Variants in HEPH observed in about 807,000 individuals in gnomAD.
HEPH encodes the protein hephaestin.
A neutral mutation model predicts 80.8 loss-of-function variants in HEPH; 69 were observed. The observed-to-expected ratio is 0.85, with a 90% confidence interval of 0.70 to 1.04. The LOEUF is 1.04. HEPH is among the 50% of genes least tolerant of loss of function. HEPH has a pLI of 0.00. For synonymous variants in HEPH, 431 were observed against 322.8 expected, an observed-to-expected ratio of 1.34 and a Z score of -3.60; for missense variants, 1,115 against 891.3, an observed-to-expected ratio of 1.25 and a Z score of -3.20.
In HEPH at chrX:66,266,917, A is replaced by G. The variant is rs1023918484; in HGVS notation, c.*245A>G. 13 of 331,806 alleles carry G rather than the reference A, an allele frequency of 3.9e-5. No homozygotes were observed. The East Asian group carries it at 5.6e-4, about 14-fold the overall frequency. The allele number at this position is 331,806 out of a possible 1,213,427, so 27.3% of individuals were successfully genotyped here. On this transcript the variant is annotated 3_prime_UTR_variant, in exon 21 of 21. Coordinates refer to ENST00000343002, the MANE Select transcript of HEPH (RefSeq NM_001367233.3). ...CTAAGGGAGTACCTTATTATCCTAC[A>G]TCGCAAATTTCAACAGCTACATTAT...
intron 15 of HEPH, among the ~76,000 whole-genome samples, chrX:66,217,711 C>T (rs555590049): frequency 9.0e-6 from 1 of 111,586 alleles, no homozygotes; most frequent in African/African-American, 3.3e-5. Flanking sequence ...ATGTAAATGG[C>T]CTAAATGCTC....
chrX:66,175,155 T>A (rs1406111026), intron 4 of HEPH, among the ~76,000 whole-genome samples: 1 of 112,450 alleles, frequency 8.9e-6, no homozygotes, highest in Non-Finnish European at 1.9e-5. Context: ...GTTTTAGATT[T>A]AAGTCCTTAA....
chrX:66,242,457 G>A (rs2090636625), intron 15 of HEPH, among the ~76,000 whole-genome samples: 1 of 111,618 alleles, frequency 9.0e-6, no homozygotes, highest in African/African-American at 3.3e-5. Context: ...ATAGGCCTTG[G>A]CAAGATTTTA....
chrX:66,245,723 G>C (rs2148120260), intron 15 of HEPH, among the ~76,000 whole-genome samples: 1 of 111,783 alleles, frequency 8.9e-6, no homozygotes, highest in South Asian at 3.8e-4. Context: ...TGACCACATA[G>C]TTGGAAGAAA....
At chrX:66,260,689 G>T (rs1031811257) in intron 19 of HEPH, among the ~76,000 whole-genome samples, 1 of 112,289 alleles carries the variant, frequency 8.9e-6, no homozygotes, top group Non-Finnish European at 1.9e-5. Context: ...TTTCTAAAAA[G>T]AGAATAAAAA....
At chrX:66,257,551 A>T (rs1449882643) in intron 17 of HEPH, among the ~76,000 whole-genome samples, 1 of 112,531 alleles carries the variant, frequency 8.9e-6, no homozygotes, top group African/African-American at 3.2e-5. Flanking sequence ...AAATGGGCTT[A>T]CTAACACTTC....
downstream of HEPH, chrX:66,267,985 A>G (rs758691324): frequency 1.8e-5 from 2 of 111,836 alleles, no homozygotes; most frequent in South Asian, 3.8e-4. Flanking sequence ...TTTACACTTT[A>G]AAAAGCATTT....
chrX:66,179,782 T>C (rs2087005284), intron 4 of HEPH, among the ~76,000 whole-genome samples: 1 of 111,520 alleles, frequency 9.0e-6, no homozygotes, highest in African/African-American at 3.3e-5. Context: ...TGCATATATG[T>C]TTAGGATTGT....
chrX:66,164,535 T>A, intron 1 of HEPH, 65 bp downstream of exon 1: 1 of 719,550 alleles, frequency 1.4e-6, no homozygotes, highest in Non-Finnish European at 1.6e-6. Flanking sequence ...AAACGTTTAT[T>A]TAGCTGGGTT....
At position 66,214,328 on chromosome X, in the gene HEPH, C is replaced by T. The variant is rs149531867; in HGVS notation, c.2563+6082C>T. 8.7e-4 allele frequency among the ~76,000 whole-genome samples: 97 copies of T among 112,106 alleles called. No homozygotes were observed. In the East Asian group the frequency reaches 0.011, roughly 13 times the overall value. On this transcript the variant is annotated intron_variant, in intron 15 of 20. Coordinates refer to ENST00000343002, the MANE Select transcript of HEPH (RefSeq NM_001367233.3). Reference sequence around the variant, plus strand: ...TCTGGATATATTTTGTTGGTTAAGACAATTAGCTTGTGAATTGGGGTTTCT... The same window carrying T: ...TCTGGATATATTTTGTTGGTTAAGATAATTAGCTTGTGAATTGGGGTTTCT...
intron 15 of HEPH, among the ~76,000 whole-genome samples, chrX:66,233,188 T>G (rs2090225268): frequency 9.0e-6 from 1 of 111,577 alleles, no homozygotes; most frequent in African/African-American, 3.3e-5. Flanking sequence ...ATATAACCAA[T>G]TGGCCAACTG....
In HEPH at chrX:66,258,939, T is replaced by C; in HGVS notation, c.2996T>C (p.Leu999Pro). Residue 999 changes from leucine (L) to proline (P), a missense_variant, in exon 18 of 21, where the codon CTA becomes CCA. By Grantham distance (98) the Leu-to-Pro change is moderately conservative. Coordinates refer to ENST00000343002, the MANE Select transcript of HEPH (RefSeq NM_001367233.3). Reference sequence around the variant, plus strand: ...CTGGCCATGGGCCAAGATGTGGATCTACACACCATCCACTTTCATGCAGAG... The same window carrying C: ...CTGGCCATGGGCCAAGATGTGGATCCACACACCATCCACTTTCATGCAGAG... ...YMLAMGQDVD[L>P]HTIHFHAESF... 10 of 1,203,754 alleles carry C rather than the reference T, an allele frequency of 8.3e-6. No individual in the cohort carries two copies. The highest frequency in any genetic ancestry group is 1.0e-5 in the Non-Finnish European group (9 of 891,201).
In HEPH at chrX:66,208,145, T is replaced by C; in HGVS notation, c.2462T>C (p.Ile821Thr). The part of the protein sequence containing the change: ...GPLIKGEVGD[I>T]LTVVFKNNAS... ...CTTATCAAAGGTGAAGTTGGTGATATCCTGACTGTGGTATTCAAGAATAAT... is the reference window on the plus strand; with the variant it reads ...CTTATCAAAGGTGAAGTTGGTGATACCCTGACTGTGGTATTCAAGAATAAT... The change falls in exon 15 of 21, where the codon ATC (isoleucine) becomes ACC (threonine). Residue 821 changes from isoleucine (I) to threonine (T), a missense_variant. Physicochemically the swap from Ile to Thr is moderately conservative, Grantham distance 89. Around this residue, in one of 3 missense-constraint regions of HEPH, gnomAD observed 716 missense variants for 523.5 expected, o/e 1.37. Coordinates refer to ENST00000343002, the MANE Select transcript of HEPH (RefSeq NM_001367233.3). 8.3e-7 allele frequency: 1 copy of C among 1,200,187 alleles called. No individual in the cohort carries two copies. The highest frequency in any genetic ancestry group is 1.8e-5 in the South Asian group (1 of 56,044).
intron 20 of HEPH, among the ~76,000 whole-genome samples, chrX:66,264,819 T>TA (rs1333875765): frequency 9.5e-6 from 1 of 105,778 alleles, no homozygotes; most frequent in Non-Finnish European, 1.9e-5. Context: ...TATATATATA[T>TA]TTTTATATAT....
intron 15 of HEPH, among the ~76,000 whole-genome samples, chrX:66,219,254 G>A (rs2089534514): frequency 1.8e-5 from 2 of 111,897 alleles, no homozygotes; most frequent in Non-Finnish European, 3.8e-5. Flanking sequence ...AATCTTTTTA[G>A]CACTGGGAAC....
chrX:66,212,346 A>G (rs989581545), intron 15 of HEPH, among the ~76,000 whole-genome samples: 25 of 110,895 alleles, frequency 2.3e-4, no homozygotes, highest in African/African-American at 7.2e-4. Flanking sequence ...TTAGTTAAAT[A>G]TAGTCCCGTG....
At chrX:66,254,411 G>T (rs777878134) in intron 15 of HEPH, among the ~76,000 whole-genome samples, 92 of 111,742 alleles carry the variant, frequency 8.2e-4, no homozygotes, top group African/African-American at 2.0e-3. Context: ...GATAGACACT[G>T]AGAGCACAGA....
intron 15 of HEPH, among the ~76,000 whole-genome samples, chrX:66,232,134 G>T (rs1268053411): frequency 9.1e-6 from 1 of 110,449 alleles, no homozygotes; most frequent in African/African-American, 3.3e-5. Context: ...AAGCCCACTT[G>T]ATCATGGTGG....
chrX:66,169,120 C>A (rs1291580172), intron 1 of HEPH, among the ~76,000 whole-genome samples: 1 of 111,368 alleles, frequency 9.0e-6, no homozygotes, highest in Non-Finnish European at 1.9e-5. Flanking sequence ...TGGCCTTGGG[C>A]AAACTGCTTT....
Sources: allele counts gnomAD v4.1 joint callset (sites outside exome capture counted in the v4.1 genomes callset), GRCh38; gene constraint gnomAD v4.1.1; regional missense constraint gnomAD v4.1.1; transcripts MANE v1.5; gene names NCBI Gene and HGNC (gene_info 2026-07-23, HGNC 2026-07-21).